The following TTLL11 variants were observed in gnomAD, a reference collection of about 807,000 sequenced individuals.
TTLL11 encodes the protein tubulin tyrosine ligase like 11, also known as tubulin polyglutamylase TTLL11.
In TTLL11, 42 loss-of-function variants were observed where a neutral mutation model predicts 51.7. The ratio of observed to expected loss-of-function variants is 0.81; its 90% CI spans 0.64 to 1.05. TTLL11 has a LOEUF of 1.05. TTLL11 is among the 50% of genes least tolerant of loss of function. The pLI, the probability that TTLL11 is intolerant of heterozygous loss-of-function variation, is 0.00. For missense variants in TTLL11, 799 were observed against 940.4 expected, an observed-to-expected ratio of 0.85 and a Z score of 1.97; for synonymous variants, 381 against 383.5, an observed-to-expected ratio of 0.99 and a Z score of 0.08.
At chr9:122,073,737 C>T (rs1166057375) in intron 1 of TTLL11, among the ~76,000 whole-genome samples, 1 of 152,226 alleles carries the variant, frequency 6.6e-6, no homozygotes, top group Admixed American at 6.5e-5. Context: ...TTAAAGGCTA[C>T]TTACAGCCAA....
intron 8 of TTLL11, among the ~76,000 whole-genome samples, chr9:121,832,572 A>G (rs1837051423): frequency 6.6e-6 from 1 of 152,180 alleles, no homozygotes; most frequent in Non-Finnish European, 1.5e-5. Context: ...ACTTGCCACA[A>G]TCGCATGGCT....
intron 1 of TTLL11, among the ~76,000 whole-genome samples, chr9:122,091,804 T>C (rs1846266676): frequency 6.6e-6 from 1 of 152,190 alleles, no homozygotes; most frequent in Admixed American, 6.5e-5. Context: ...AATGGCTTTA[T>C]CCACGTAGCC....
chr9:121,937,053 T>G (rs1356872676), intron 6 of TTLL11, among the ~76,000 whole-genome samples: 1 of 152,222 alleles, frequency 6.6e-6, no homozygotes, highest in Admixed American at 6.5e-5. Flanking sequence ...TCCCATTGCA[T>G]GATGTTTTAC....
chr9:121,888,691 C>T (rs186488416), intron 6 of TTLL11, among the ~76,000 whole-genome samples: 178 of 152,322 alleles, frequency 1.2e-3, no homozygotes, highest in African/African-American at 3.9e-3. Flanking sequence ...ACCTCAACTA[C>T]GAGCAGGGGG....
intron 1 of TTLL11, among the ~76,000 whole-genome samples, chr9:122,056,280 T>C (rs7847017): frequency 0.027 from 4,055 of 152,250 alleles, 170 homozygotes; most frequent in African/African-American, 0.093. Context: ...ACTCGAGTCA[T>C]ACAATCACAT....
At chr9:121,997,495 C>T (rs56850647) in intron 3 of TTLL11, among the ~76,000 whole-genome samples, 10,813 of 152,120 alleles carry the variant, frequency 0.071, 659 homozygotes, top group African/African-American at 0.17. Flanking sequence ...CACAGGCGCA[C>T]GTGGGGGCCC....
intron 1 of TTLL11, among the ~76,000 whole-genome samples, chr9:122,076,189 A>G (rs1250373003): frequency 6.6e-6 from 1 of 152,170 alleles, no homozygotes; most frequent in Non-Finnish European, 1.5e-5. Flanking sequence ...GAGGTTTATA[A>G]TAGCATCCTA....
At chr9:121,866,893 T>C (rs1298857485) in intron 7 of TTLL11, among the ~76,000 whole-genome samples, 1 of 151,466 alleles carries the variant, frequency 6.6e-6, no homozygotes, top group Admixed American at 6.5e-5. Flanking sequence ...TGGCCACTGA[T>C]TGGGAATGAT....
intron 1 of TTLL11, among the ~76,000 whole-genome samples, chr9:122,081,872 TAAAC>T (rs1055287297): frequency 2.6e-5 from 4 of 151,980 alleles, no homozygotes; most frequent in African/African-American, 9.7e-5. Flanking sequence ...AGAAAAAACA[TAAAC>T]AAAACAATCC....
chr9:121,833,675 T>G (rs1432322405), intron 8 of TTLL11, among the ~76,000 whole-genome samples: 1 of 152,174 alleles, frequency 6.6e-6, no homozygotes, highest in African/African-American at 2.4e-5. Flanking sequence ...AGCATTTACA[T>G]GCGTAGCTGA....
At chr9:121,827,602 G>A (rs1164655733) in intron 8 of TTLL11, among the ~76,000 whole-genome samples, 1 of 152,186 alleles carries the variant, frequency 6.6e-6, no homozygotes, top group Admixed American at 6.5e-5. Flanking sequence ...CAGTGAGTGT[G>A]GGGGGACGCG....
At chr9:122,065,655 A>C (rs1845564098) in intron 1 of TTLL11, among the ~76,000 whole-genome samples, 2 of 152,332 alleles carry the variant, frequency 1.3e-5, no homozygotes, top group South Asian at 4.1e-4. Context: ...CCTACCACTT[A>C]CTAGACAAAC....
intron 1 of TTLL11, among the ~76,000 whole-genome samples, chr9:122,043,842 A>G (rs56298287): frequency 6.6e-6 from 1 of 151,522 alleles, no homozygotes; most frequent in African/African-American, 2.4e-5. Context: ...ATATATATAT[A>G]TTTTTTTCTT....
intron 1 of TTLL11, among the ~76,000 whole-genome samples, chr9:122,067,804 G>A (rs554542322): frequency 2.5e-4 from 38 of 152,280 alleles, no homozygotes; most frequent in African/African-American, 8.9e-4. Context: ...TGCCCAGCCT[G>A]AGCAAAAGGT....
intron 2 of TTLL11, among the ~76,000 whole-genome samples, chr9:122,035,304 A>G (rs1352126017): frequency 6.6e-6 from 1 of 152,212 alleles, no homozygotes; most frequent in Non-Finnish European, 1.5e-5. Context: ...CTATGAGGGC[A>G]GTTCCCCTAT....
intron 1 of TTLL11, among the ~76,000 whole-genome samples, chr9:122,049,230 T>C (rs1845096087): frequency 6.6e-6 from 1 of 152,258 alleles, no homozygotes; most frequent in Non-Finnish European, 1.5e-5. Context: ...TATGTCTATG[T>C]GTTAAACACT....
intron 6 of TTLL11, among the ~76,000 whole-genome samples, chr9:121,899,378 C>CATATATATATATATATATATATAT (rs747040027): frequency 2.3e-5 from 3 of 130,452 alleles, no homozygotes; most frequent in Non-Finnish European, 4.8e-5. Flanking sequence ...TATATATATA[C>CATATATATATATATATATATATAT]ATATATATAT....
intron 6 of TTLL11, among the ~76,000 whole-genome samples, chr9:121,887,212 C>G (rs913571470): frequency 6.6e-6 from 1 of 152,136 alleles, no homozygotes; most frequent in African/African-American, 2.4e-5. Flanking sequence ...TGGCAGAAGC[C>G]CATCAAACTC....
chr9:122,047,057 G>C (rs1321522493), intron 1 of TTLL11, among the ~76,000 whole-genome samples: 1 of 152,190 alleles, frequency 6.6e-6, no homozygotes, highest in Non-Finnish European at 1.5e-5. Context: ...GGTAGGGGCT[G>C]TGGAAGGAAT....
Sources: gnomAD v4.1 joint callset for allele counts (sites outside exome capture counted in the v4.1 genomes callset) on GRCh38, gnomAD v4.1.1 for gene constraint, MANE v1.5 for transcripts, NCBI Gene and HGNC (gene_info 2026-07-23, HGNC 2026-07-21) for gene names.